JAM3: variants seen among roughly 807,000 people sequenced by gnomAD.
JAM3 encodes junctional adhesion molecule 3.
JAM3 carries 31 observed loss-of-function variants against 39.4 expected under a neutral mutation model. The observed-to-expected ratio is 0.79, with a 90% CI of 0.59 to 1.06. JAM3 has a LOEUF of 1.06. JAM3 is among the 50% of genes least tolerant of loss of function. The pLI is 0.00. For missense variants in JAM3, 455 were observed against 391.4 expected, an observed-to-expected ratio of 1.16 and a Z score of -1.37; for synonymous variants, 182 against 148.7, an observed-to-expected ratio of 1.22 and a Z score of -1.63.
At chr11:134,069,915 G>C (rs1223730929) in intron 1 of JAM3, among the ~76,000 whole-genome samples, 1 of 152,192 alleles carries the variant, frequency 6.6e-6, no homozygotes, top group Non-Finnish European at 1.5e-5. Context: ...TGGCCGAGGA[G>C]ACCACGCAGA....
At chr11:134,134,214 G>T (rs1302973817) in intron 1 of JAM3, among the ~76,000 whole-genome samples, 6 of 151,900 alleles carry the variant, frequency 3.9e-5, no homozygotes, top group Non-Finnish European at 7.4e-5. Context: ...CCTAAAAAAT[G>T]GAACAGAATA....
chr11:134,090,156 G>T (rs780096783), intron 1 of JAM3, among the ~76,000 whole-genome samples: 2 of 149,826 alleles, frequency 1.3e-5, no homozygotes, highest in Non-Finnish European at 3.0e-5. Context: ...TGATGGGGTT[G>T]TTTGTTTTTT....
intron 1 of JAM3, among the ~76,000 whole-genome samples, chr11:134,137,174 A>T (rs1350922299): frequency 6.6e-6 from 1 of 152,068 alleles, no homozygotes; most frequent in African/African-American, 2.4e-5. Context: ...ATGCAGAGGG[A>T]TAAAAGAAGT....
rs551295645 is a variant in JAM3, at chr11:134,099,772, A to C, written c.76+30613A>C. The stretch of plus-strand genomic sequence containing the variant: ...CAGGTGTGCGCCACCACGCCTGGCT[A>C]ATTTTTGAATTTTTAGTAGAGACGG... On this transcript the variant is annotated intron_variant, in intron 1 of 8. Transcript: ENST00000299106. Among the ~76,000 whole-genome samples the C allele has an allele frequency of 7.2e-5, 11 of 151,986 alleles. No homozygotes were observed. In the South Asian group the frequency reaches 2.3e-3, roughly 32 times the overall value.
At chr11:134,120,421 A>G (rs1942509737) in intron 1 of JAM3, among the ~76,000 whole-genome samples, 1 of 152,266 alleles carries the variant, frequency 6.6e-6, no homozygotes, top group East Asian at 1.9e-4. Context: ...CATCAGATTC[A>G]GAGTGGAAAC....
At chr11:134,089,815 T>C (rs1591774442) in intron 1 of JAM3, among the ~76,000 whole-genome samples, 1 of 152,198 alleles carries the variant, frequency 6.6e-6, no homozygotes, top group Non-Finnish European at 1.5e-5. Flanking sequence ...ATCCTTTGGG[T>C]ATATACCCAG....
chr11:134,142,834 C>T (rs1035740279), intron 3 of JAM3, among the ~76,000 whole-genome samples: 1 of 152,178 alleles, frequency 6.6e-6, no homozygotes, highest in Non-Finnish European at 1.5e-5. Context: ...TTTGCCTGTT[C>T]TGGACACTGG....
At chr11:134,145,600 C>T (rs1388974160) in intron 5 of JAM3, among the ~76,000 whole-genome samples, 1 of 152,148 alleles carries the variant, frequency 6.6e-6, no homozygotes, top group Non-Finnish European at 1.5e-5. Flanking sequence ...CATCCAGTTC[C>T]ACGTAGTCAT....
intron 1 of JAM3, among the ~76,000 whole-genome samples, chr11:134,092,223 G>C (rs1941874809): frequency 6.6e-6 from 1 of 152,148 alleles, no homozygotes; most frequent in South Asian, 2.1e-4. Flanking sequence ...GCTGTTGCGT[G>C]TGCTGCCCGT....
chr11:134,108,916 A>G (rs140888135), intron 1 of JAM3, among the ~76,000 whole-genome samples: 8 of 152,296 alleles, frequency 5.3e-5, no homozygotes, highest in Non-Finnish European at 1.0e-4. Flanking sequence ...TATAGGTAAT[A>G]TTATATTATT....
intron 3 of JAM3, among the ~76,000 whole-genome samples, chr11:134,143,146 T>C (rs1040905405): frequency 6.6e-6 from 1 of 152,204 alleles, no homozygotes; most frequent in Non-Finnish European, 1.5e-5. Flanking sequence ...AGTAGTTGCA[T>C]GTTTAGTTGT....
At chr11:134,115,076 CTCTT>C (rs879276118) in intron 1 of JAM3, among the ~76,000 whole-genome samples, 7 of 152,000 alleles carry the variant, frequency 4.6e-5, no homozygotes, top group Non-Finnish European at 1.0e-4. Flanking sequence ...ATGAATTGAC[CTCTT>C]TATCGATTTT....
Position 134,096,520 on chromosome 11 carries a change from C to G in JAM3, c.76+27361C>G, listed in dbSNP as rs538699599. 4.0e-4 allele frequency among the ~76,000 whole-genome samples: 61 copies of G among 152,196 alleles called. 1 individual carries two copies. The highest frequency in any genetic ancestry group is 1.2e-3 in the African/African-American group (50 of 41,514). On this transcript the variant is annotated intron_variant, in intron 1 of 8. Coordinates refer to ENST00000299106, the MANE Select transcript of JAM3 (RefSeq NM_032801.5). ...GTGTTTTATTATGTTATGTTATTTC[C>G]TCTATTTTAATTTCTTCTCAAATCC...
chr11:134,071,516 G>A (rs595102), intron 1 of JAM3, among the ~76,000 whole-genome samples: 57,612 of 152,010 alleles, frequency 0.38, 11,628 homozygotes, highest in African/African-American at 0.53. Context: ...CTTTACAAAT[G>A]TTATGCCACA....
chr11:134,123,738 C>T (rs1316494365), intron 1 of JAM3: 2 of 608,222 alleles, frequency 3.3e-6, no homozygotes, highest in Non-Finnish European at 6.0e-6. Context: ...TTTGATGACA[C>T]AGGTAAGATT....
At chr11:134,093,411 T>C (rs1462725822) in intron 1 of JAM3, among the ~76,000 whole-genome samples, 1 of 133,702 alleles carries the variant, frequency 7.5e-6, no homozygotes, top group African/African-American at 2.9e-5. Flanking sequence ...CCATCTTACA[T>C]GTCACTCCCT....
intron 1 of JAM3, among the ~76,000 whole-genome samples, chr11:134,121,099 G>C (rs1942523264): frequency 6.6e-6 from 1 of 152,160 alleles, no homozygotes; most frequent in Non-Finnish European, 1.5e-5. Context: ...CCAGAGGCTG[G>C]GGACAGTGCA....
At chr11:134,109,134 G>T (rs1942261049) in intron 1 of JAM3, among the ~76,000 whole-genome samples, 2 of 152,058 alleles carry the variant, frequency 1.3e-5, no homozygotes, top group African/African-American at 4.8e-5. Context: ...GCTAATTTTT[G>T]TATTTTTAGA....
In JAM3 at chr11:134,143,779, A is replaced by G. The variant is rs909716108; in HGVS notation, c.257-462A>G. On this transcript the variant is annotated intron_variant, in intron 3 of 8. Coordinates refer to ENST00000299106, the MANE Select transcript of JAM3 (RefSeq NM_032801.5). The stretch of plus-strand genomic sequence containing the variant: ...GGTCATGAGGGATTTATGCTTATGC[A>G]TTTTTCTAAGAGTTTTATAGTTTTA... Among the ~76,000 whole-genome samples the G allele has an allele frequency of 3.9e-5, 6 of 152,090 alleles. No individual in the cohort carries two copies. The East Asian group carries it at 9.6e-4, about 24-fold the overall frequency.
Sources: allele counts gnomAD v4.1 joint callset (sites outside exome capture counted in the v4.1 genomes callset), GRCh38; gene constraint gnomAD v4.1.1; transcripts MANE v1.5; gene names NCBI Gene and HGNC (gene_info 2026-07-23, HGNC 2026-07-21).